Variants in LNPEP observed in about 807,000 individuals in gnomAD.
LNPEP encodes leucyl and cystinyl aminopeptidase.
LNPEP carries 64 observed loss-of-function variants against 120.6 expected under a neutral mutation model. That is an observed-to-expected ratio of 0.53 (90% CI 0.43 to 0.65). The LOEUF (loss-of-function observed/expected upper bound fraction) is 0.65, where lower values mean the gene tolerates loss of function less well. Among genes scored for constraint, LNPEP ranks in the 30% least tolerant of loss-of-function variants. The pLI is 0.00. For synonymous variants in LNPEP, 435 were observed against 425.4 expected (o/e 1.02, Z -0.28); for missense variants, 1,057 against 1,200.0 (o/e 0.88, Z 1.76).
At chr5:96,951,669 A>G (rs1789327870) in intron 1 of LNPEP, among the ~76,000 whole-genome samples, 2 of 152,206 alleles carry the variant, frequency 1.3e-5, no homozygotes, top group Non-Finnish European at 2.9e-5. Flanking sequence ...GAACCTCAGG[A>G]TAAAGAAAAT....
At chr5:97,023,759 C>T (rs1471959145) in intron 14 of LNPEP, among the ~76,000 whole-genome samples, 1 of 151,756 alleles carries the variant, frequency 6.6e-6, no homozygotes, top group East Asian at 1.9e-4. Flanking sequence ...AGTAGTATTG[C>T]TGGATCATAT....
chr5:97,002,103 C>T (rs1005051917), intron 8 of LNPEP, among the ~76,000 whole-genome samples: 1 of 152,114 alleles, frequency 6.6e-6, no homozygotes, highest in African/African-American at 2.4e-5. Flanking sequence ...CGCACCACTG[C>T]ACTCCAGCCT....
intron 13 of LNPEP, among the ~76,000 whole-genome samples, chr5:97,017,424 CT>C (rs958185300): frequency 1.3e-5 from 2 of 151,702 alleles, no homozygotes; most frequent in Non-Finnish European, 2.9e-5. Context: ...CTCCATCTTG[CT>C]TTTTTTTACT....
chr5:97,033,772 T>C lies in LNPEP; in HGVS notation c.*5239T>C, dbSNP rs1453190181. On this transcript the variant is annotated 3_prime_UTR_variant, in exon 18 of 18. Coordinates refer to ENST00000231368, the MANE Select transcript of LNPEP (RefSeq NM_005575.3). Reference sequence around the variant, plus strand: ...TGGGGTATATACTTTTGTATATGTATGTACATATTTTTATTTCTTTATTAT... The same window carrying C: ...TGGGGTATATACTTTTGTATATGTACGTACATATTTTTATTTCTTTATTAT... 6.6e-6 allele frequency: 1 copy of C among 152,174 alleles called. No homozygotes were observed. The highest frequency in any genetic ancestry group is 1.5e-5 in the Non-Finnish European group (1 of 68,042). 9.4% of individuals were successfully genotyped at this position (152,174 alleles called of 1,614,324 possible).
chr5:97,025,531 A>C (rs1791316144), intron 15 of LNPEP, among the ~76,000 whole-genome samples: 1 of 152,240 alleles, frequency 6.6e-6, no homozygotes, highest in African/African-American at 2.4e-5. Context: ...GAATTTAAAC[A>C]GTACCTAAGA....
intron 17 of LNPEP, 38 bp from the exon 18 acceptor site, chr5:97,028,364 T>C: frequency 6.2e-7 from 1 of 1,607,228 alleles, no homozygotes; most frequent in Non-Finnish European, 8.5e-7. Flanking sequence ...TTTATCGTCC[T>C]TTTCTTCTTT....
At chr5:97,020,670 C>T (rs947453979) in intron 13 of LNPEP, among the ~76,000 whole-genome samples, 8 of 151,932 alleles carry the variant, frequency 5.3e-5, no homozygotes, top group African/African-American at 1.7e-4. Context: ...GATGTGGTGG[C>T]GGGCGCTTGT....
Position 96,993,872 on chromosome 5 carries a change from C to T in LNPEP, c.1308C>T (p.Leu436=). 6.2e-7 allele frequency: 1 copy of T among 1,613,860 alleles called. No individual in the cohort carries two copies. The highest frequency in any genetic ancestry group is 8.5e-7 in the Non-Finnish European group (1 of 1,179,822). The change falls in exon 6 of 18, where the codon CTC becomes CTT. Residue 436 remains leucine, a synonymous_variant. Coordinates refer to ENST00000231368, the MANE Select transcript of LNPEP (RefSeq NM_005575.3). ...GAGCAATGGAAAATTGGGGTTTGCT[C>T]ACCTTCCGAGAGGAGACACTTCTGT... The part of the protein sequence containing the change: ...EAGAMENWGL[L]TFREETLLYD...
At chr5:96,997,662 C>G (rs922269555) in intron 7 of LNPEP, among the ~76,000 whole-genome samples, 1 of 151,978 alleles carries the variant, frequency 6.6e-6, no homozygotes, top group African/African-American at 2.4e-5. Flanking sequence ...TTTTAAATTT[C>G]AAGTTTCATT....
chr5:96,984,936 C>T, intron 2 of LNPEP, 144 bp from the exon 3 acceptor site: 1 of 774,822 alleles, frequency 1.3e-6, no homozygotes. Flanking sequence ...AGTTTCTGTT[C>T]ATTGTATAAA....
chr5:96,958,590 T>G (rs1561431642), intron 1 of LNPEP: 2 of 723,340 alleles, frequency 2.8e-6, no homozygotes, highest in Non-Finnish European at 3.4e-6. Flanking sequence ...AAATTTATCT[T>G]AAAGTTATTG....
intron 14 of LNPEP, 83 bp from the exon 15 acceptor site, chr5:97,024,438 A>C (rs909061824): frequency 5.3e-6 from 7 of 1,323,994 alleles, no homozygotes; most frequent in African/African-American, 1.5e-5. Flanking sequence ...CCCTCACACC[A>C]GAAACTCCAC....
In LNPEP at chr5:96,936,361, G is replaced by T. The variant is rs556031605; in HGVS notation, c.19+187G>T. On this transcript the variant is annotated intron_variant, in intron 1 of 17. Transcript: ENST00000231368. ...AGGTTCGGGGGGCGGGCGGCGGCCA[G>T]TGCGGGACCCGGGGCTGGCTTGAAG... 1.2e-5 allele frequency: 5 copies of T among 434,616 alleles called. No individual in the cohort carries two copies. In the East Asian group the frequency reaches 1.9e-4, roughly 17 times the overall value. 26.9% of individuals were successfully genotyped at this position (434,616 alleles called of 1,614,324 possible).
At chr5:96,997,765 A>T (rs576210388) in intron 7 of LNPEP, among the ~76,000 whole-genome samples, 19 of 152,202 alleles carry the variant, frequency 1.2e-4, no homozygotes, top group African/African-American at 4.6e-4. Context: ...TAATTTTCCC[A>T]TATGCTGTTG....
chr5:96,996,717 A>T (rs1457056729), intron 7 of LNPEP, among the ~76,000 whole-genome samples: 1 of 152,132 alleles, frequency 6.6e-6, no homozygotes, highest in Non-Finnish European at 1.5e-5. Context: ...AACTGAAATT[A>T]TATAAGATTA....
chr5:96,962,906 T>A (rs941197731), intron 1 of LNPEP: 1 of 152,164 alleles, frequency 6.6e-6, no homozygotes. Context: ...ACTTTTTCAG[T>A]GTCTAACCTG....
At chr5:96,994,640 A>G (rs903140872) in intron 6 of LNPEP, among the ~76,000 whole-genome samples, 9 of 152,152 alleles carry the variant, frequency 5.9e-5, no homozygotes. Context: ...ATTTTGCCCT[A>G]GATGAGGTGC....
At chr5:97,014,036 G>T (rs1212296391) in intron 12 of LNPEP, among the ~76,000 whole-genome samples, 1 of 151,986 alleles carries the variant, frequency 6.6e-6, no homozygotes, top group Non-Finnish European at 1.5e-5. Flanking sequence ...AATGAAACAG[G>T]ATTTAATAAT....
At chr5:96,989,404 TATATATA>T (rs1448742638) in intron 4 of LNPEP, among the ~76,000 whole-genome samples, 4 of 28,020 alleles carry the variant, frequency 1.4e-4, no homozygotes, top group African/African-American at 4.5e-4. Context: ...TATTATATAT[TATATATA>T]ATATATAATT....
Sources: allele counts gnomAD v4.1 joint callset (sites outside exome capture counted in the v4.1 genomes callset), GRCh38; gene constraint gnomAD v4.1.1; transcripts MANE v1.5; gene names NCBI Gene and HGNC (gene_info 2026-07-23, HGNC 2026-07-21).